The following TET1 variants were observed in gnomAD, a reference collection of about 807,000 sequenced individuals.
TET1 encodes the protein methylcytosine dioxygenase TET1.
Under a neutral mutation model 148.7 loss-of-function variants are expected in TET1, and 13 were observed. That is an observed-to-expected ratio of 0.09 (90% CI 0.06 to 0.14). The LOEUF (loss-of-function observed/expected upper bound fraction) is 0.14, where lower values mean the gene tolerates loss of function less well. Ranked by LOEUF, TET1 falls within the 10% of genes least tolerant of loss-of-function variation. TET1 has a pLI of 1.00. For missense variants in TET1, 2,182 were observed against 2,553.8 expected (o/e 0.85, Z 3.14); for synonymous variants, 907 against 937.2 (o/e 0.97, Z 0.59).
rs575282187 is a variant in TET1, at chr10:68,610,546, G to C, written c.1968+9512G>C. Among the ~76,000 whole-genome samples the C allele has an allele frequency of 7.0e-4, 104 of 149,454 alleles. 1 individual carries two copies. The highest frequency in any genetic ancestry group is 2.5e-3 in the African/African-American group (102 of 40,526). On this transcript the variant is annotated intron_variant, in intron 3 of 11. Coordinates refer to ENST00000373644, the MANE Select transcript of TET1 (RefSeq NM_030625.3). The stretch of plus-strand genomic sequence containing the variant: ...GCGGAGGTTGCAGTGAGTTGAGATC[G>C]CCCACTGCACTCCACCCTGGGTGAC...
chr10:68,587,402 TGGAGGA>T (rs1283411269), intron 2 of TET1, among the ~76,000 whole-genome samples: 1 of 152,138 alleles, frequency 6.6e-6, no homozygotes, highest in Non-Finnish European at 1.5e-5. Flanking sequence ...CTTCTATCCT[TGGAGGA>T]GTAAGTAATT....
chr10:68,596,025 C>CATATATATAT (rs1270482577), intron 2 of TET1, among the ~76,000 whole-genome samples: 30 of 56,016 alleles, frequency 5.4e-4, no homozygotes, highest in African/African-American at 1.6e-3. Flanking sequence ...CACACACACA[C>CATATATATAT]ACATATATAT....
chr10:68,649,570 C>T (rs1364933334), intron 4 of TET1, among the ~76,000 whole-genome samples: 1 of 146,264 alleles, frequency 6.8e-6, no homozygotes, highest in Non-Finnish European at 1.5e-5. Context: ...CACGCCACTG[C>T]ACTCCAGCCT....
In TET1 at chr10:68,691,884, T is replaced by G; in HGVS notation, c.*70T>G. On this transcript the variant is annotated 3_prime_UTR_variant, in exon 12 of 12. Coordinates refer to ENST00000373644, the MANE Select transcript of TET1 (RefSeq NM_030625.3). The surrounding 1 kb of genome is among the most constrained non-coding windows in gnomAD (Gnocchi z 4.4). ...TTTTCAAGGTGCTGTTAAAAGAAAG[T>G]CATGTTGTCGTTTACTATCTTCATC... is the stretch of plus-strand genomic sequence containing the variant. 1 of 1,504,532 alleles carries G rather than the reference T, an allele frequency of 6.6e-7. No individual in the cohort carries two copies. The highest frequency in any genetic ancestry group is 8.9e-7 in the Non-Finnish European group (1 of 1,124,912). The allele number at this position is 1,504,532 out of a possible 1,614,324, so 93.2% of individuals were successfully genotyped here. A position where few individuals can be genotyped will look rare whatever the true frequency, so the allele number is the denominator to read the frequency against.
At chr10:68,596,474 A>G (rs761118794) in intron 2 of TET1, among the ~76,000 whole-genome samples, 1 of 151,940 alleles carries the variant, frequency 6.6e-6, no homozygotes, top group Non-Finnish European at 1.5e-5. Flanking sequence ...TTTTTTGTAG[A>G]GATGTGTCTC....
intron 1 of TET1, among the ~76,000 whole-genome samples, chr10:68,561,721 C>G (rs2664441): frequency 4.8e-5 from 7 of 144,338 alleles, no homozygotes; most frequent in African/African-American, 1.8e-4. Flanking sequence ...CCGCTCCGGT[C>G]CCCGCCTCTC....
intron 3 of TET1, among the ~76,000 whole-genome samples, chr10:68,625,213 G>C (rs188253568): frequency 5.9e-5 from 9 of 152,264 alleles, no homozygotes; most frequent in African/African-American, 2.2e-4. Context: ...AAGTTTGCCC[G>C]CTCCTGGCAA....
At position 68,691,824 on chromosome 10, in the gene TET1, T is replaced by TC. The variant is rs758028770; in HGVS notation, c.*15dup. 2.4e-5 allele frequency: 39 copies of TC among 1,599,178 alleles called. No individual in the cohort carries two copies. The South Asian group carries it at 4.3e-4, about 17-fold the overall frequency. On this transcript the variant is annotated 3_prime_UTR_variant, in exon 12 of 12. Coordinates refer to ENST00000373644, the MANE Select transcript of TET1 (RefSeq NM_030625.3). This position sits in a 1 kb window ranked among gnomAD's most constrained non-coding sequence, Gnocchi z 4.4. ...TAACCATTGGGTCTGAAGGCTTTTC[T>TC]CCCCCTCTTAATGCCTTTGCTAGTG...
rs2053679231 is a variant in TET1, at chr10:68,572,332, T to C, written c.-7T>C. 1.3e-6 allele frequency: 2 copies of C among 1,589,648 alleles called. No individual in the cohort carries two copies. Among genetic ancestry groups the C allele is most frequent in the Non-Finnish European group, 1.7e-6 (2 of 1,172,972 alleles). On this transcript the variant is annotated 5_prime_UTR_variant, in exon 2 of 12. Coordinates refer to ENST00000373644, the MANE Select transcript of TET1 (RefSeq NM_030625.3). The stretch of plus-strand genomic sequence containing the variant: ...TGCGCCCTTTCATTTTTTCCTACTC[T>C]GTAGCTATGTCTCGATCCCGCCATG...
intron 2 of TET1, among the ~76,000 whole-genome samples, chr10:68,598,323 G>A (rs965075617): frequency 1.3e-5 from 2 of 152,158 alleles, no homozygotes; most frequent in African/African-American, 2.4e-5. Flanking sequence ...CCCGGAAGGC[G>A]GAGGTTGCAG....
At chr10:68,670,932 A>G (rs1203446872) in intron 7 of TET1, among the ~76,000 whole-genome samples, 1 of 152,122 alleles carries the variant, frequency 6.6e-6, no homozygotes, top group Non-Finnish European at 1.5e-5. Context: ...TAATCATTAT[A>G]TAAGTACAAT....
intron 2 of TET1, among the ~76,000 whole-genome samples, chr10:68,578,447 C>T (rs538231109): frequency 8.5e-5 from 13 of 152,054 alleles, no homozygotes; most frequent in East Asian, 1.9e-4. Flanking sequence ...TTAGTAGAGA[C>T]GAGGTTTCAC....
chr10:68,694,176 A>G lies in TET1; in HGVS notation c.*2362A>G. ...GGATTTGTGACGCTTGTTGCAGTTT[A>G]CCAAAACAAGTATTTGAAAATATAT... On this transcript the variant is annotated 3_prime_UTR_variant, in exon 12 of 12. Transcript: ENST00000373644. The G allele has an allele frequency of 4.3e-6, 1 of 232,774 alleles. No homozygotes were observed. Among genetic ancestry groups the G allele is most frequent in the Non-Finnish European group, 8.5e-6 (1 of 117,782 alleles). The allele number at this position is 232,774 out of a possible 1,614,324, so 14.4% of individuals were successfully genotyped here.
intron 4 of TET1, among the ~76,000 whole-genome samples, chr10:68,651,640 G>T (rs2054937494): frequency 6.6e-6 from 1 of 151,844 alleles, no homozygotes; most frequent in Admixed American, 6.6e-5. Flanking sequence ...GAGGAAGAAA[G>T]AATTCGTTAG....
At chr10:68,563,082 T>C (rs1194530387) in intron 1 of TET1, among the ~76,000 whole-genome samples, 2 of 152,170 alleles carry the variant, frequency 1.3e-5, no homozygotes, top group Non-Finnish European at 2.9e-5. Context: ...TATGTCTTTC[T>C]TGTCTTCGGA....
In TET1 at chr10:68,656,452, C is replaced by T. The variant is rs189538540; in HGVS notation, c.4461+3858C>T. Among the ~76,000 whole-genome samples, 61 of 152,220 alleles carry T rather than the reference C, an allele frequency of 4.0e-4. 1 individual carries two copies. Among genetic ancestry groups the T allele is most frequent in the African/African-American group, 1.4e-3 (57 of 41,562 alleles). On this transcript the variant is annotated intron_variant, in intron 6 of 11. Coordinates refer to ENST00000373644, the MANE Select transcript of TET1 (RefSeq NM_030625.3). Reference sequence around the variant, plus strand: ...TAATTTTTTGTATTTTTAGTAGAGACGTGGTTTCACTGCATTAGCCAGGAT... The same window carrying T: ...TAATTTTTTGTATTTTTAGTAGAGATGTGGTTTCACTGCATTAGCCAGGAT...
At chr10:68,601,382 A>G (rs538610979) in intron 3 of TET1, among the ~76,000 whole-genome samples, 28 of 152,330 alleles carry the variant, frequency 1.8e-4, no homozygotes, top group Admixed American at 1.6e-3. Flanking sequence ...GAAAGGCACT[A>G]TTTGAAGTTG....
rs567619268 is a variant in TET1, at chr10:68,653,892, A to G, written c.4461+1298A>G. Among the ~76,000 whole-genome samples the G allele has an allele frequency of 4.1e-3, 626 of 152,166 alleles. 4 individuals carry two copies. The highest frequency in any genetic ancestry group is 0.014 in the African/African-American group (600 of 41,506). ...GAGGCCGAGGTGGGCAGATCACCAGAGGTCAGGAGTTCAAAATCAGCCTGG... is the reference window on the plus strand; with the variant it reads ...GAGGCCGAGGTGGGCAGATCACCAGGGGTCAGGAGTTCAAAATCAGCCTGG... On this transcript the variant is annotated intron_variant, in intron 6 of 11. Transcript: ENST00000373644.
intron 1 of TET1, among the ~76,000 whole-genome samples, chr10:68,562,429 A>G (rs541495429): frequency 6.6e-6 from 1 of 151,564 alleles, no homozygotes; most frequent in Non-Finnish European, 1.5e-5. Context: ...GAATCAAACC[A>G]AGAATCAAAA....
Sources: allele counts gnomAD v4.1 joint callset (sites outside exome capture counted in the v4.1 genomes callset), GRCh38; gene constraint gnomAD v4.1.1; non-coding constraint Gnocchi (gnomAD v3.1); transcripts MANE v1.5; gene names NCBI Gene and HGNC (gene_info 2026-07-23, HGNC 2026-07-21).